Variants in MCC observed in about 807,000 individuals in gnomAD.
MCC encodes colorectal mutant cancer protein.
Under a neutral mutation model 116.2 loss-of-function variants are expected in MCC, and 90 were observed. That is an observed-to-expected ratio of 0.77 (90% CI 0.65 to 0.92). MCC has a LOEUF of 0.92. Among genes scored for constraint, MCC ranks in the 40% least tolerant of loss-of-function variants. The pLI, the probability that MCC is intolerant of heterozygous loss-of-function variation, is 0.00. For missense variants in MCC, 1,516 were observed against 1,312.2 expected, an observed-to-expected ratio of 1.16 and a Z score of -2.40; for synonymous variants, 578 against 510.5, an observed-to-expected ratio of 1.13 and a Z score of -1.78.
chr5:113,483,864 A>T (rs1191615578), intron 1 of MCC, among the ~76,000 whole-genome samples: 1 of 148,698 alleles, frequency 6.7e-6, no homozygotes, highest in Non-Finnish European at 1.5e-5. Context: ...ACACAGTCAT[A>T]AAAAAAAAAC....
At chr5:113,274,484 C>G (rs563090967) in intron 3 of MCC, among the ~76,000 whole-genome samples, 7 of 152,164 alleles carry the variant, frequency 4.6e-5, no homozygotes, top group African/African-American at 1.7e-4. Context: ...CACAGCCTCC[C>G]GAGTAGCTGG....
intron 11 of MCC, among the ~76,000 whole-genome samples, chr5:113,071,533 A>G (rs151288013): frequency 9.4e-4 from 143 of 152,326 alleles, no homozygotes; most frequent in Middle Eastern, 3.4e-3. Context: ...ATTCCAAGGA[A>G]AGGAGACAGT....
At chr5:113,452,795 G>A (rs1185819292) in intron 1 of MCC, among the ~76,000 whole-genome samples, 2 of 152,162 alleles carry the variant, frequency 1.3e-5, no homozygotes, top group Admixed American at 6.5e-5. Context: ...TTCATTGCAG[G>A]TGCATGCACA....
At chr5:113,229,943 ATGT>A (rs1404937036) in intron 3 of MCC, among the ~76,000 whole-genome samples, 8 of 152,198 alleles carry the variant, frequency 5.3e-5, no homozygotes, top group African/African-American at 1.9e-4. Flanking sequence ...ATTTCTCAAA[ATGT>A]ATCCCAGTTG....
chr5:113,352,940 T>C (rs1250176076), intron 2 of MCC, among the ~76,000 whole-genome samples: 1 of 152,186 alleles, frequency 6.6e-6, no homozygotes, highest in Non-Finnish European at 1.5e-5. Context: ...GATTTGGGTT[T>C]TGTCTGACAT....
intron 1 of MCC, among the ~76,000 whole-genome samples, chr5:113,424,668 G>C (rs1274295816): frequency 1.3e-5 from 2 of 152,124 alleles, no homozygotes; most frequent in African/African-American, 4.8e-5. Context: ...AGCTGAGATT[G>C]TGCCATTGTA....
intron 6 of MCC, 97 bp from the exon 7 acceptor site, chr5:113,104,452 G>A (rs2150256830): frequency 1.9e-6 from 2 of 1,072,022 alleles, no homozygotes; most frequent in East Asian, 2.6e-5. Flanking sequence ...GGATGGCAAT[G>A]GAGCCTGACA....
At chr5:113,096,084 G>C (rs888069295) in intron 8 of MCC, among the ~76,000 whole-genome samples, 1 of 152,196 alleles carries the variant, frequency 6.6e-6, no homozygotes. Flanking sequence ...GGACAGTGCA[G>C]GGCAGGCTCC....
intron 14 of MCC, among the ~76,000 whole-genome samples, chr5:113,057,109 A>G (rs1461036744): frequency 2.6e-5 from 4 of 152,204 alleles, no homozygotes; most frequent in Non-Finnish European, 5.9e-5. Context: ...GAGTGCGGCC[A>G]GCAGAACGAG....
At chr5:113,318,562 T>A (rs938690995) in intron 3 of MCC, among the ~76,000 whole-genome samples, 1 of 152,180 alleles carries the variant, frequency 6.6e-6, no homozygotes, top group African/African-American at 2.4e-5. Context: ...CCATTACCCT[T>A]AGCAAACTAA....
chr5:113,144,092 G>T (rs1469586408), intron 4 of MCC, among the ~76,000 whole-genome samples: 1 of 152,214 alleles, frequency 6.6e-6, no homozygotes, highest in Non-Finnish European at 1.5e-5. Flanking sequence ...GTTATGGAAT[G>T]AATGGATGAC....
chr5:113,205,802 G>C (rs1358390419), intron 3 of MCC, among the ~76,000 whole-genome samples: 1 of 152,244 alleles, frequency 6.6e-6, no homozygotes, highest in African/African-American at 2.4e-5. Flanking sequence ...TGGGTAGATA[G>C]AGCATTCTCC....
In MCC at chr5:113,485,095, A is replaced by G. The variant is rs1772481770; in HGVS notation, c.170+3150T>C. 2.0e-5 allele frequency among the ~76,000 whole-genome samples: 3 copies of G among 152,280 alleles called. No homozygotes were observed. The South Asian group carries it at 6.2e-4, about 32-fold the overall frequency. ...GCAGAAGCAGCAATTCCAAGAATCT[A>G]GTTAGCTGATGCCTTTTTTGTCAGC... On this transcript the variant is annotated intron_variant, in intron 1 of 18. Coordinates refer to ENST00000408903, the MANE Select transcript of MCC (RefSeq NM_001085377.2).
At position 113,438,254 on chromosome 5, in the gene MCC, T is replaced by A. The variant is rs534577635; in HGVS notation, c.170+49991A>T. On this transcript the variant is annotated intron_variant, in intron 1 of 18. Transcript: ENST00000408903. ...AGGTCCTATAGAATGACACCTAACT[T>A]TTTTTATTCTATATCTAAAGACATG... Among the ~76,000 whole-genome samples the A allele has an allele frequency of 2.6e-5, 4 of 152,182 alleles. No individual in the cohort carries two copies. In the East Asian group the frequency reaches 5.8e-4, roughly 22 times the overall value.
intron 3 of MCC, chr5:113,234,660 G>A (rs996546961): frequency 6.6e-6 from 1 of 152,158 alleles, no homozygotes; most frequent in Admixed American, 6.5e-5. Context: ...GTTGAGTGCA[G>A]ATATTATATA....
At chr5:113,415,069 T>G (rs1332784248) in intron 1 of MCC, among the ~76,000 whole-genome samples, 2 of 152,214 alleles carry the variant, frequency 1.3e-5, no homozygotes, top group African/African-American at 4.8e-5. Context: ...GAAAATTCTT[T>G]TCTTTAAGAA....
chr5:113,315,020 G>C (rs1042396276), intron 3 of MCC, among the ~76,000 whole-genome samples: 1 of 152,162 alleles, frequency 6.6e-6, no homozygotes, highest in African/African-American at 2.4e-5. Context: ...TTGATTTGTA[G>C]AGTTAATCTG....
chr5:113,440,683 A>G (rs543845298), intron 1 of MCC, among the ~76,000 whole-genome samples: 30 of 152,214 alleles, frequency 2.0e-4, no homozygotes, highest in Non-Finnish European at 2.4e-4. Flanking sequence ...AAACAAAGCT[A>G]GAAAGAGTGA....
chr5:113,098,993 C>G (rs188751130), intron 8 of MCC, among the ~76,000 whole-genome samples: 6 of 152,194 alleles, frequency 3.9e-5, no homozygotes, highest in African/African-American at 1.4e-4. Context: ...ATGACAACCA[C>G]GAAGGACAGA....
Sources: allele counts gnomAD v4.1 joint callset (sites outside exome capture counted in the v4.1 genomes callset), GRCh38; gene constraint gnomAD v4.1.1; transcripts MANE v1.5; gene names NCBI Gene and HGNC (gene_info 2026-07-23, HGNC 2026-07-21).